The following IFI27 variants were observed in gnomAD, a reference collection of about 807,000 sequenced individuals.
The protein encoded by IFI27 is interferon alpha-inducible protein 27, mitochondrial.
In IFI27, 3 loss-of-function variants were observed where a neutral mutation model predicts 8.9. The observed-to-expected ratio is 0.34, with a 90% CI of 0.15 to 0.87. The LOEUF is 0.87. Ranked by LOEUF, IFI27 falls within the 40% of genes least tolerant of loss-of-function variation. The pLI, the probability that IFI27 is intolerant of heterozygous loss-of-function variation, is 0.51. For synonymous variants in IFI27, 66 were observed against 67.3 expected (o/e 0.98, Z 0.09); for missense variants, 152 against 157.7 (o/e 0.96, Z 0.19).
In IFI27 at chr14:94,111,896, G is replaced by C. The variant is rs1887206223; in HGVS notation, c.91+123G>C. 1 of 799,684 alleles carries C rather than the reference G, an allele frequency of 1.3e-6. No individual in the cohort carries two copies. 49.5% of individuals were successfully genotyped at this position (799,684 alleles called of 1,614,324 possible). On this transcript the variant is annotated intron_variant, in intron 2 of 4. Coordinates refer to ENST00000621160, the Ensembl canonical transcript of IFI27. The surrounding 1 kb of genome is among the most constrained non-coding windows in gnomAD (Gnocchi z 4.3). ...ACCCGCAGCCTTGCTGCCCTGTCCTGTCTTCTCACAGCAGGCGTCCACCCT... is the reference window on the plus strand; with the variant it reads ...ACCCGCAGCCTTGCTGCCCTGTCCTCTCTTCTCACAGCAGGCGTCCACCCT...
intron 2 of IFI27, chr14:94,112,051 A>G: frequency 3.7e-6 from 2 of 547,628 alleles, no homozygotes; most frequent in Non-Finnish European, 6.6e-6. Flanking sequence ...TCTATCTACC[A>G]CTGAGTCCCA....
intron 1 of IFI27, 180 bp downstream of exon 1, chr14:94,110,977 A>C (rs1367910184): frequency 6.5e-6 from 1 of 154,430 alleles, no homozygotes; most frequent in Non-Finnish European, 1.5e-5. Context: ...GGACTCTGGA[A>C]TGTAAGGACA....
chr14:94,116,195 T>C lies in IFI27; in HGVS notation c.284-247T>C. On this transcript the variant is annotated intron_variant, in intron 4 of 4. Coordinates refer to ENST00000621160, the Ensembl canonical transcript of IFI27. This position sits in a 1 kb window ranked among gnomAD's most constrained non-coding sequence, Gnocchi z 4.3. ...CTGGGGCGTCTCCTCCCCTCTGGGG[T>C]GCAGCCTCCTTCCCTGAAGAGCGAG... The C allele has an allele frequency of 2.9e-6, 2 of 690,112 alleles. No homozygotes were observed. The highest frequency in any genetic ancestry group is 1.5e-5 in the South Asian group (1 of 64,906). 42.7% of individuals were successfully genotyped at this position (690,112 alleles called of 1,614,324 possible).
upstream of IFI27, among the ~76,000 whole-genome samples, chr14:94,109,470 G>C (rs1342366827): frequency 6.6e-6 from 1 of 152,138 alleles, no homozygotes; most frequent in African/African-American, 2.4e-5. Context: ...CATCTTACAA[G>C]ACCTGGCGAG....
chr14:94,112,771 A>C (rs961189270), intron 2 of IFI27: 1 of 152,510 alleles, frequency 6.6e-6, no homozygotes, highest in Non-Finnish European at 1.5e-5. Flanking sequence ...TAGCTCCTTC[A>C]TGCTGGGGTC....
chr14:94,109,377 G>GC (rs1887078666), upstream of IFI27, among the ~76,000 whole-genome samples: 1 of 150,198 alleles, frequency 6.7e-6, no homozygotes, highest in African/African-American at 2.5e-5. Flanking sequence ...GAAGGGCAGG[G>GC]AAGGGCAAGG....
At position 94,115,880 on chromosome 14, in the gene IFI27, C is replaced by T. The variant is rs762435559; in HGVS notation, c.221C>T (p.Ala74Val). 1.9e-5 allele frequency: 30 copies of T among 1,599,312 alleles called. No homozygotes were observed. The South Asian group carries it at 1.9e-4, about 10-fold the overall frequency. Residue 74 changes from alanine to valine, a missense_variant, in exon 4 of 5, where the codon GCG becomes GTG. Physicochemically the swap from Ala to Val is moderately conservative, Grantham distance 64 (BLOSUM62 0). Transcript: ENST00000621160. Reference sequence around the variant, plus strand: ...ATAGCAGCCAAGATGATGTCCGCGGCGGCCATTGCCAATGGGGGTGGAGTT... The same window carrying T: ...ATAGCAGCCAAGATGATGTCCGCGGTGGCCATTGCCAATGGGGGTGGAGTT...
chr14:94,108,022 T>A (rs1380564345), upstream of IFI27, among the ~76,000 whole-genome samples: 8 of 152,196 alleles, frequency 5.3e-5, no homozygotes, highest in Admixed American at 2.0e-4. Flanking sequence ...AAGTGTGTGA[T>A]GTTCCCCTCC....
exon 4 of IFI27, chr14:94,115,863 C>T: frequency 6.2e-7 from 1 of 1,603,858 alleles, no homozygotes; most frequent in Admixed American, 1.7e-5. Context: ...CCATAGCAGC[C>T]AAGATGATGT....
At chr14:94,105,974 A>C (rs1887009890), upstream of IFI27, 1 of 152,208 alleles carries the variant, frequency 6.6e-6, no homozygotes, top group Non-Finnish European at 1.5e-5. Context: ...CTGCTGTAAC[A>C]AAATACCATA....
At chr14:94,110,394 CTAT>C (rs2139285709), upstream of IFI27, among the ~76,000 whole-genome samples, 1 of 152,254 alleles carries the variant, frequency 6.6e-6, no homozygotes, top group South Asian at 2.1e-4. Context: ...GCAAGGACTA[CTAT>C]TATTCTGAAA....
upstream of IFI27, among the ~76,000 whole-genome samples, chr14:94,110,399 A>G (rs1470237729): frequency 6.6e-6 from 1 of 152,174 alleles, no homozygotes; most frequent in African/African-American, 2.4e-5. Context: ...GACTACTATT[A>G]TTCTGAAAAT....
chr14:94,109,285 A>G (rs1275040944), upstream of IFI27, among the ~76,000 whole-genome samples: 4 of 145,116 alleles, frequency 2.8e-5, no homozygotes, highest in African/African-American at 1.0e-4. Context: ...CTGGGCAACA[A>G]GAGCAAAACT....
intron 2 of IFI27, chr14:94,114,060 C>T (rs1006114827): frequency 6.6e-6 from 1 of 152,376 alleles, no homozygotes; most frequent in African/African-American, 2.4e-5. Context: ...TGGCTCCAGT[C>T]ATGGAGGAGC....
At position 94,115,182 on chromosome 14, in the gene IFI27, G is replaced by A. The variant is rs1595411917; in HGVS notation, c.121+302G>A. 6 of 656,388 alleles carry A rather than the reference G, an allele frequency of 9.1e-6. No individual in the cohort carries two copies. The East Asian group carries it at 1.5e-4, about 16-fold the overall frequency. The allele number at this position is 656,388 out of a possible 1,614,324, so 40.7% of individuals were successfully genotyped here. A position where few individuals can be genotyped will look rare whatever the true frequency, so the allele number is the denominator to read the frequency against. On this transcript the variant is annotated intron_variant, in intron 3 of 4. Coordinates refer to ENST00000621160, the Ensembl canonical transcript of IFI27. ...TGAGCATGTCTTTGAACTCCTCTGA[G>A]CTCCTGTTTCCTCTCCAGAGAAAAG...
At chr14:94,106,916 C>G (rs1168573513), upstream of IFI27, among the ~76,000 whole-genome samples, 1 of 151,698 alleles carries the variant, frequency 6.6e-6, no homozygotes, top group Admixed American at 6.6e-5. Flanking sequence ...CCCCCATGAC[C>G]GAAACACCCC....
At chr14:94,115,608 C>T in intron 3 of IFI27, 173 bp from the exon 4 acceptor site, 1 of 664,284 alleles carries the variant, frequency 1.5e-6, no homozygotes, top group Non-Finnish European at 2.5e-6. Context: ...CCTCTACTTT[C>T]CCCGCCTGGC....
At chr14:94,107,784 T>C (rs977917438), upstream of IFI27, among the ~76,000 whole-genome samples, 9 of 152,220 alleles carry the variant, frequency 5.9e-5, no homozygotes, top group Admixed American at 5.2e-4. Flanking sequence ...GTCTTTTCCC[T>C]TTTAAAGGTA....
intron 3 of IFI27, chr14:94,115,259 T>C: frequency 1.8e-6 from 1 of 560,576 alleles, no homozygotes; most frequent in South Asian, 1.5e-5. Flanking sequence ...GGTGAAACAA[T>C]AGAGATTGAA....
Sources: allele counts gnomAD v4.1 joint callset (sites outside exome capture counted in the v4.1 genomes callset), GRCh38; gene constraint gnomAD v4.1.1; non-coding constraint Gnocchi (gnomAD v3.1); transcripts MANE v1.5; gene names NCBI Gene and HGNC (gene_info 2026-07-23, HGNC 2026-07-21).